ITPR1: variants seen among roughly 807,000 people sequenced by gnomAD.
The protein encoded by ITPR1 is inositol 1,4,5-trisphosphate-gated calcium channel ITPR1.
ITPR1 carries 96 observed loss-of-function variants against 318.4 expected under a neutral mutation model. The observed-to-expected ratio is 0.30, with a 90% CI of 0.26 to 0.36. The LOEUF is 0.36. ITPR1 is among the 10% of genes least tolerant of loss of function. The pLI is 1.00. For synonymous variants in ITPR1, 1,312 were observed against 1,289.9 expected (o/e 1.02, Z -0.37); for missense variants, 2,440 against 3,460.2 (o/e 0.71, Z 7.40).
intron 44 of ITPR1, among the ~76,000 whole-genome samples, chr3:4,755,964 G>A (rs775970278): frequency 1.3e-5 from 2 of 152,212 alleles, no homozygotes; most frequent in Non-Finnish European, 2.9e-5. Flanking sequence ...AACATCCTGA[G>A]AGAGGCTGGT....
At chr3:4,649,392 GACA>G (rs925013124) in intron 10 of ITPR1, among the ~76,000 whole-genome samples, 2 of 152,170 alleles carry the variant, frequency 1.3e-5, no homozygotes, top group African/African-American at 4.8e-5. Context: ...AAAGAGGGAA[GACA>G]ACACCATGTA....
At chr3:4,822,666 G>T (rs557830868) in intron 60 of ITPR1, among the ~76,000 whole-genome samples, 1 of 152,232 alleles carries the variant, frequency 6.6e-6, no homozygotes, top group Non-Finnish European at 1.5e-5. Flanking sequence ...ATCATTCATG[G>T]TTCACTGGTA....
At chr3:4,515,090 A>T (rs1373942701) in intron 2 of ITPR1, among the ~76,000 whole-genome samples, 2 of 152,160 alleles carry the variant, frequency 1.3e-5, no homozygotes, top group Non-Finnish European at 2.9e-5. Context: ...AATGCTCTTT[A>T]TCTCTCCTGC....
In ITPR1 at chr3:4,846,143, C is replaced by T; in HGVS notation, c.8195C>T (p.Thr2732Ile). 1 of 1,554,556 alleles carries T rather than the reference C, an allele frequency of 6.4e-7. No individual in the cohort carries two copies. Among genetic ancestry groups the T allele is most frequent in the Non-Finnish European group, 8.7e-7 (1 of 1,147,816 alleles). The change falls in exon 62 of 62, where the codon ACA (threonine) becomes ATA (isoleucine). Residue 2732 changes from threonine (T) to isoleucine (I), a missense_variant. Physicochemically the swap from Thr to Ile is moderately conservative, Grantham distance 89. This residue lies in a region of ITPR1 where 63 missense variants were observed against 63.4 expected (regional missense o/e 0.99). Transcript: ENST00000649015. ...GQLSELKDQMTEQRKQKQRIG... is the reference protein window; with the variant it reads ...GQLSELKDQMIEQRKQKQRIG... ...TGAAACTTTTTAACTTTCCAGATGA[C>T]AGAACAAAGGAAGCAGAAACAAAGA...
At chr3:4,705,516 C>T (rs1399967680) in intron 36 of ITPR1, among the ~76,000 whole-genome samples, 1 of 152,196 alleles carries the variant, frequency 6.6e-6, no homozygotes. Context: ...CATGTCTCTC[C>T]AGTCTCTTCT....
chr3:4,845,256 T>A (rs1313909342), intron 61 of ITPR1, among the ~76,000 whole-genome samples: 3 of 152,206 alleles, frequency 2.0e-5, no homozygotes, highest in Non-Finnish European at 4.4e-5. Context: ...TTTTCTTGAA[T>A]ATATATTCCG....
intron 2 of ITPR1, among the ~76,000 whole-genome samples, chr3:4,497,125 G>C (rs568258983): frequency 4.6e-5 from 7 of 151,986 alleles, no homozygotes; most frequent in African/African-American, 1.2e-4. Context: ...TGCAATTAAG[G>C]CTTGAAGTCG....
intron 61 of ITPR1, among the ~76,000 whole-genome samples, chr3:4,841,110 T>C (rs1370330768): frequency 6.6e-6 from 1 of 152,208 alleles, no homozygotes; most frequent in Non-Finnish European, 1.5e-5. Flanking sequence ...GTACTGCATC[T>C]ATGTTCCTTA....
chr3:4,764,670 G>A (rs1028973316), intron 44 of ITPR1, among the ~76,000 whole-genome samples: 1 of 152,226 alleles, frequency 6.6e-6, no homozygotes, highest in Admixed American at 6.5e-5. Flanking sequence ...AAAAGATGAG[G>A]GGCCCTAGCT....
At chr3:4,686,255 A>C (rs1219026313) in intron 30 of ITPR1, among the ~76,000 whole-genome samples, 1 of 152,184 alleles carries the variant, frequency 6.6e-6, no homozygotes, top group East Asian at 1.9e-4. Flanking sequence ...CTACTCCAGG[A>C]AATTTCCTAT....
intron 40 of ITPR1, among the ~76,000 whole-genome samples, chr3:4,724,841 G>GGGTGGT (rs1309556623): frequency 6.6e-6 from 1 of 152,162 alleles, no homozygotes; most frequent in Non-Finnish European, 1.5e-5. Context: ...TCAAGGGGGA[G>GGGTGGT]GGTGGTATCT....
intron 4 of ITPR1, among the ~76,000 whole-genome samples, chr3:4,617,033 A>T (rs1361460245): frequency 6.6e-6 from 1 of 151,918 alleles, no homozygotes; most frequent in African/African-American, 2.4e-5. Flanking sequence ...AACCTATGTG[A>T]GAATTTCTTT....
chr3:4,602,838 T>C (rs767718043), intron 4 of ITPR1, among the ~76,000 whole-genome samples: 2 of 151,520 alleles, frequency 1.3e-5, no homozygotes, highest in Non-Finnish European at 2.9e-5. Context: ...AACTGGGCTC[T>C]TGAGAGAAGG....
intron 25 of ITPR1, 132 bp downstream of exon 25, chr3:4,680,823 G>C: frequency 6.6e-6 from 5 of 758,948 alleles, no homozygotes; most frequent in South Asian, 2.0e-5. Flanking sequence ...GCATCATCCT[G>C]GCAGTTACTC....
chr3:4,814,657 C>A, intron 58 of ITPR1, 95 bp downstream of exon 58: 2 of 1,151,324 alleles, frequency 1.7e-6, no homozygotes, highest in Middle Eastern at 3.0e-4. Context: ...ACTGAAGACG[C>A]AGAGGAAGAG....
intron 44 of ITPR1, among the ~76,000 whole-genome samples, chr3:4,738,392 C>T (rs79905986): frequency 9.2e-5 from 14 of 152,244 alleles, no homozygotes; most frequent in African/African-American, 3.1e-4. Context: ...AAACAGAGAC[C>T]CTGTCACTCC....
Position 4,779,432 on chromosome 3 carries a change from G to A in ITPR1, c.6292-118G>A. The A allele has an allele frequency of 4.2e-6, 3 of 706,408 alleles. 1 individual carries two copies. In the Admixed American group the frequency reaches 5.9e-5, roughly 14 times the overall value. 43.8% of individuals were successfully genotyped at this position (706,408 alleles called of 1,614,324 possible). A position where few individuals can be genotyped will look rare whatever the true frequency, so the allele number is the denominator to read the frequency against. On this transcript the variant is annotated intron_variant, in intron 48 of 61. Transcript: ENST00000649015. The surrounding 1 kb of genome is among the most constrained non-coding windows in gnomAD (Gnocchi z 4.0). ...GTCCTTAACCCAGAGCTTCCTCATG[G>A]GGTGAAATGTTCGTCTGTTTAGCCG...
chr3:4,712,357 G>A (rs2041439910), intron 39 of ITPR1, among the ~76,000 whole-genome samples: 1 of 152,188 alleles, frequency 6.6e-6, no homozygotes. Flanking sequence ...ATTGGGAAAT[G>A]GACAGTCCCG....
chr3:4,748,939 G>A (rs984896429), intron 44 of ITPR1, among the ~76,000 whole-genome samples: 20 of 152,208 alleles, frequency 1.3e-4, no homozygotes, highest in Non-Finnish European at 2.5e-4. Flanking sequence ...GTAGAAGGCA[G>A]AAGTTGTTTT....
Sources: allele counts gnomAD v4.1 joint callset (sites outside exome capture counted in the v4.1 genomes callset), GRCh38; gene constraint gnomAD v4.1.1; regional missense constraint gnomAD v4.1.1; non-coding constraint Gnocchi (gnomAD v3.1); transcripts MANE v1.5; gene names NCBI Gene and HGNC (gene_info 2026-07-23, HGNC 2026-07-21).